The following PTPRG variants were observed in gnomAD, a reference collection of about 807,000 sequenced individuals.
The protein encoded by PTPRG is receptor-type tyrosine-protein phosphatase gamma.
PTPRG carries 102 observed loss-of-function variants against 165.3 expected under a neutral mutation model. That is an observed-to-expected ratio of 0.62 (90% CI 0.53 to 0.73). The LOEUF (loss-of-function observed/expected upper bound fraction) is 0.73. Ranked by LOEUF, PTPRG falls within the 30% of genes least tolerant of loss-of-function variation. PTPRG has a pLI of 0.00. For synonymous variants in PTPRG, 675 were observed against 669.5 expected, an observed-to-expected ratio of 1.01 and a Z score of -0.13; for missense variants, 1,866 against 1,861.4, an observed-to-expected ratio of 1.00 and a Z score of -0.05.
chr3:61,900,571 C>T (rs1380205444), intron 2 of PTPRG, among the ~76,000 whole-genome samples: 1 of 152,188 alleles, frequency 6.6e-6, no homozygotes. Context: ...CTCTTCAAAT[C>T]TGCTGCAGTG....
chr3:62,226,121 G>T (rs1381147125), intron 13 of PTPRG, among the ~76,000 whole-genome samples: 3 of 152,220 alleles, frequency 2.0e-5, no homozygotes, highest in Admixed American at 1.3e-4. Flanking sequence ...CCAAGTCGCA[G>T]CGTTAATTTT....
intron 2 of PTPRG, among the ~76,000 whole-genome samples, chr3:61,984,585 C>A (rs888365431): frequency 6.6e-6 from 1 of 152,162 alleles, no homozygotes; most frequent in African/African-American, 2.4e-5. Flanking sequence ...GGCTTCTATG[C>A]AGTTTGCTCC....
intron 2 of PTPRG, among the ~76,000 whole-genome samples, chr3:61,880,689 G>A (rs13080464): frequency 0.11 from 17,128 of 150,936 alleles, 1,643 homozygotes; most frequent in African/African-American, 0.26. Context: ...GCCATTTAAT[G>A]CGAAGAAGAG....
At chr3:61,996,813 A>G (rs2041050335) in intron 3 of PTPRG, among the ~76,000 whole-genome samples, 1 of 152,068 alleles carries the variant, frequency 6.6e-6, no homozygotes, top group Non-Finnish European at 1.5e-5. Context: ...GCTTGGAGCT[A>G]TTTCACTGGG....
intron 1 of PTPRG, among the ~76,000 whole-genome samples, chr3:61,590,509 G>C (rs937426363): frequency 6.6e-6 from 1 of 151,988 alleles, no homozygotes; most frequent in African/African-American, 2.4e-5. Context: ...GGGCAACAGA[G>C]CAAGACTCCA....
rs550727180 is a variant in PTPRG, at chr3:61,695,077, A to T, written c.86-53801A>T. 5.3e-5 allele frequency among the ~76,000 whole-genome samples: 8 copies of T among 151,444 alleles called. No homozygotes were observed. In the South Asian group the frequency reaches 1.7e-3, roughly 32 times the overall value. Reference sequence around the variant, plus strand: ...CCAGGCTGGAGTGCAATGGCGCGATAGTGGCTCACTGCAACCTCCGCCTCC... The same window carrying T: ...CCAGGCTGGAGTGCAATGGCGCGATTGTGGCTCACTGCAACCTCCGCCTCC... On this transcript the variant is annotated intron_variant, in intron 1 of 29. Coordinates refer to ENST00000474889, the MANE Select transcript of PTPRG (RefSeq NM_002841.4).
intron 4 of PTPRG, among the ~76,000 whole-genome samples, chr3:62,024,901 G>T (rs190137408): frequency 1.0e-3 from 157 of 152,254 alleles, no homozygotes; most frequent in Admixed American, 2.0e-3. Context: ...TCAGATAATG[G>T]GAAATTATTT....
intron 4 of PTPRG, among the ~76,000 whole-genome samples, chr3:62,047,908 C>T (rs1187187874): frequency 2.0e-5 from 3 of 152,160 alleles, no homozygotes; most frequent in Admixed American, 6.5e-5. Flanking sequence ...AAAGCCAGCA[C>T]AGTTATTTAG....
chr3:61,666,193 G>A (rs574934118), intron 1 of PTPRG, among the ~76,000 whole-genome samples: 1 of 152,294 alleles, frequency 6.6e-6, no homozygotes, highest in East Asian at 1.9e-4. Context: ...CTCTTATGCC[G>A]GCTGGTGAAG....
chr3:61,775,366 A>G (rs938579914), intron 2 of PTPRG, among the ~76,000 whole-genome samples: 7 of 152,134 alleles, frequency 4.6e-5, no homozygotes, highest in African/African-American at 1.7e-4. Context: ...GCACTGCACC[A>G]GGCCCCTTAA....
chr3:61,806,674 G>C (rs1418637938), intron 2 of PTPRG, among the ~76,000 whole-genome samples: 1 of 152,138 alleles, frequency 6.6e-6, no homozygotes, highest in Non-Finnish European at 1.5e-5. Context: ...CAAATGAAAG[G>C]AGATGACAGA....
intron 4 of PTPRG, among the ~76,000 whole-genome samples, chr3:62,035,029 G>A (rs1317236850): frequency 6.6e-6 from 1 of 152,088 alleles, no homozygotes; most frequent in Non-Finnish European, 1.5e-5. Flanking sequence ...CCTACAGTGG[G>A]GACTCCACCA....
chr3:62,277,784 G>A lies in PTPRG; in HGVS notation c.3765+105G>A, dbSNP rs548069771. On this transcript the variant is annotated intron_variant, in intron 26 of 29. Transcript: ENST00000474889. ...CTATAGTATCCATATATGCTAGGGA[G>A]GGAATTTAAAATTTTTAAATTCTCA... 1,881 of 1,420,326 alleles carry A rather than the reference G, an allele frequency of 1.3e-3. 3 individuals carry two copies. The highest frequency in any genetic ancestry group is 1.7e-3 in the Non-Finnish European group (1,781 of 1,055,202). The allele number at this position is 1,420,326 out of a possible 1,614,324, so 88.0% of individuals were successfully genotyped here.
At chr3:61,918,983 G>A (rs78967233) in intron 2 of PTPRG, among the ~76,000 whole-genome samples, 3,016 of 152,140 alleles carry the variant, frequency 0.02, 56 homozygotes, top group South Asian at 0.093. Context: ...TGGTTGTGAG[G>A]GTGGGACTAG....
chr3:62,058,997 T>C (rs890522394), intron 4 of PTPRG, among the ~76,000 whole-genome samples: 5 of 152,174 alleles, frequency 3.3e-5, no homozygotes, highest in Non-Finnish European at 7.3e-5. Flanking sequence ...ACGGGAATGA[T>C]CATCCAGTGT....
intron 10 of PTPRG, among the ~76,000 whole-genome samples, chr3:62,199,501 C>T (rs9839443): frequency 0.092 from 14,036 of 152,122 alleles, 1,851 homozygotes; most frequent in African/African-American, 0.29. Flanking sequence ...TTGCCAATAT[C>T]GTGAGTTTTC....
intron 1 of PTPRG, among the ~76,000 whole-genome samples, chr3:61,703,849 T>C (rs1425263057): frequency 6.6e-6 from 1 of 152,212 alleles, no homozygotes; most frequent in Non-Finnish European, 1.5e-5. Flanking sequence ...TCTTTTATTA[T>C]ACCAGGTTTA....
At chr3:62,133,326 G>A (rs1330151065) in intron 6 of PTPRG, among the ~76,000 whole-genome samples, 1 of 152,150 alleles carries the variant, frequency 6.6e-6, no homozygotes, top group Non-Finnish European at 1.5e-5. Flanking sequence ...GTGTAGTCGA[G>A]ATGTAATGTA....
chr3:61,922,471 T>C (rs1321000358), intron 2 of PTPRG, among the ~76,000 whole-genome samples: 1 of 152,172 alleles, frequency 6.6e-6, no homozygotes, highest in Non-Finnish European at 1.5e-5. Flanking sequence ...TGTAGGAATG[T>C]GTCTGTGTGA....
Sources: gnomAD v4.1 joint callset for allele counts (sites outside exome capture counted in the v4.1 genomes callset) on GRCh38, gnomAD v4.1.1 for gene constraint, MANE v1.5 for transcripts, NCBI Gene and HGNC (gene_info 2026-07-23, HGNC 2026-07-21) for gene names.